Variants in LARS2 observed in about 807,000 individuals in gnomAD.
The protein encoded by LARS2 is leucine--tRNA ligase, mitochondrial.
A neutral mutation model predicts 116.6 loss-of-function variants in LARS2; 81 were observed. The ratio of observed to expected loss-of-function variants is 0.69; its 90% CI spans 0.58 to 0.84. LARS2 has a LOEUF of 0.84. Ranked by LOEUF, LARS2 falls within the 40% of genes least tolerant of loss-of-function variation. The pLI is 0.00. For synonymous variants in LARS2, 396 were observed against 407.2 expected, an observed-to-expected ratio of 0.97 and a Z score of 0.33; for missense variants, 968 against 1,114.5, an observed-to-expected ratio of 0.87 and a Z score of 1.87.
At chr3:45,427,075 T>C (rs944321003) in intron 6 of LARS2, among the ~76,000 whole-genome samples, 5 of 152,174 alleles carry the variant, frequency 3.3e-5, no homozygotes, top group African/African-American at 1.2e-4. Context: ...AAGATTAGGT[T>C]ACTCTTTAAA....
chr3:45,430,029 T>G (rs865799546), intron 6 of LARS2, among the ~76,000 whole-genome samples: 215 of 138,770 alleles, frequency 1.5e-3, no homozygotes, highest in African/African-American at 5.2e-3. Flanking sequence ...TTTTTTTTTT[T>G]GAGACAGAGT....
At chr3:45,541,708 T>C (rs1163233636) in intron 20 of LARS2, 121 bp from the exon 21 acceptor site, 1 of 1,300,334 alleles carries the variant, frequency 7.7e-7, no homozygotes, top group Non-Finnish European at 1.0e-6. Flanking sequence ...ATGGTCTGGC[T>C]TCCCACCGGC....
rs1161720401 is a variant in LARS2 at position 45,496,320 on chromosome 3, T to C, written c.1569T>C (p.Phe523=). Residue 523 remains phenylalanine (F), a synonymous_variant, in exon 14 of 22, where the codon TTT becomes TTC. Transcript: ENST00000645846. ...AKRETDTMDT[F]VDSAWYYFRY... ...GAGAGACAGACACGATGGATACCTT[T>C]GTTGATTCTGCTTGGTACTACTTCA... 7 of 1,614,072 alleles carry C rather than the reference T, an allele frequency of 4.3e-6. No individual in the cohort carries two copies. Among genetic ancestry groups the C allele is most frequent in the Non-Finnish European group, 4.2e-6 (5 of 1,180,014 alleles).
intron 6 of LARS2, among the ~76,000 whole-genome samples, chr3:45,444,889 T>C (rs190133731): frequency 1.6e-4 from 25 of 151,842 alleles, no homozygotes; most frequent in African/African-American, 5.8e-4. Flanking sequence ...AATAGAAAAA[T>C]TGAGAAAAGA....
In LARS2 at chr3:45,548,587, C is replaced by T. The variant is rs1190081314; in HGVS notation, c.*1057C>T. 3 of 152,248 alleles carry T rather than the reference C, an allele frequency of 2.0e-5. No homozygotes were observed. The highest frequency in any genetic ancestry group is 1.9e-4 in the East Asian group (1 of 5,198). 9.4% of individuals were successfully genotyped at this position (152,248 alleles called of 1,614,324 possible). A position where few individuals can be genotyped will look rare whatever the true frequency, so the allele number is the denominator to read the frequency against. On this transcript the variant is annotated 3_prime_UTR_variant, in exon 22 of 22. Coordinates refer to ENST00000645846, the MANE Select transcript of LARS2 (RefSeq NM_015340.4). ...GAAGATGGCCAGGAATGGACTCATA[C>T]CATTGGCACATTAGGCTAATCCTGG...
At chr3:45,417,087 C>CAA (rs34878832) in intron 4 of LARS2, among the ~76,000 whole-genome samples, 235 of 138,578 alleles carry the variant, frequency 1.7e-3, no homozygotes, top group Admixed American at 3.6e-3. Flanking sequence ...AAAAAAAAAA[C>CAA]AAAAAAAAAA....
At chr3:45,473,573 G>C (rs544588616) in intron 8 of LARS2, among the ~76,000 whole-genome samples, 18 of 151,774 alleles carry the variant, frequency 1.2e-4, no homozygotes, top group South Asian at 4.2e-4. Context: ...TAGTAGAGAC[G>C]GGGTTTCACC....
chr3:45,438,955 A>G (rs1414006769), intron 6 of LARS2, among the ~76,000 whole-genome samples: 1 of 152,136 alleles, frequency 6.6e-6, no homozygotes. Context: ...GATTTGTTAG[A>G]TACAAGAAGG....
intron 15 of LARS2, among the ~76,000 whole-genome samples, chr3:45,507,481 T>C (rs1342346908): frequency 6.6e-6 from 1 of 152,112 alleles, no homozygotes; most frequent in Non-Finnish European, 1.5e-5. Flanking sequence ...TGCAAACTTA[T>C]GCACCAAGAT....
chr3:45,494,488 C>G (rs984285707), intron 13 of LARS2, among the ~76,000 whole-genome samples: 1 of 152,168 alleles, frequency 6.6e-6, no homozygotes, highest in African/African-American at 2.4e-5. Context: ...CTGCCCAAAG[C>G]GCAATATTTG....
At chr3:45,459,745 T>A (rs1280093357) in intron 8 of LARS2, among the ~76,000 whole-genome samples, 1 of 152,212 alleles carries the variant, frequency 6.6e-6, no homozygotes, top group Non-Finnish European at 1.5e-5. Context: ...AGAGAAATGG[T>A]TAAAGCAAAT....
chr3:45,450,808 A>G (rs980623696), intron 7 of LARS2, among the ~76,000 whole-genome samples: 2 of 152,156 alleles, frequency 1.3e-5, no homozygotes, highest in African/African-American at 4.8e-5. Flanking sequence ...TGTTTTTCAC[A>G]CAGTGTATGA....
At chr3:45,432,450 C>T (rs1243368620) in intron 6 of LARS2, among the ~76,000 whole-genome samples, 4 of 152,054 alleles carry the variant, frequency 2.6e-5, no homozygotes, top group African/African-American at 9.7e-5. Flanking sequence ...AGCATCTTCT[C>T]AGACCACAAT....
At chr3:45,485,076 C>T (rs546557341) in intron 10 of LARS2, among the ~76,000 whole-genome samples, 3 of 152,228 alleles carry the variant, frequency 2.0e-5, no homozygotes, top group East Asian at 3.9e-4. Flanking sequence ...TAGAACTTCC[C>T]TCTGTCTTTG....
chr3:45,545,415 AGTGAT>A (rs1302204921), intron 21 of LARS2, among the ~76,000 whole-genome samples: 1 of 152,200 alleles, frequency 6.6e-6, no homozygotes, highest in African/African-American at 2.4e-5. Context: ...CTCTTTTTGA[AGTGAT>A]GTCAATGTGC....
chr3:45,508,636 G>A (rs2125746929), intron 15 of LARS2, among the ~76,000 whole-genome samples: 1 of 152,144 alleles, frequency 6.6e-6, no homozygotes, highest in South Asian at 2.1e-4. Context: ...GGAGTGGGCA[G>A]CAGGCTCTCT....
chr3:45,528,830 A>G (rs74879658), intron 20 of LARS2, among the ~76,000 whole-genome samples: 3,047 of 151,218 alleles, frequency 0.02, 85 homozygotes, highest in African/African-American at 0.067. Context: ...TAAATATTCC[A>G]TGAACATATA....
chr3:45,444,467 T>C (rs1408638855), intron 6 of LARS2, among the ~76,000 whole-genome samples: 1 of 39,450 alleles, frequency 2.5e-5, no homozygotes, highest in Non-Finnish European at 4.8e-5. Context: ...ATCGAGACCA[T>C]CCCGGCTAAA....
chr3:45,399,083 C>G (rs1330902474), intron 3 of LARS2, among the ~76,000 whole-genome samples: 1 of 152,216 alleles, frequency 6.6e-6, no homozygotes, highest in Non-Finnish European at 1.5e-5. Flanking sequence ...GAAGCTGCTT[C>G]TTTGGAAGCT....
Sources: gnomAD v4.1 joint callset for allele counts (sites outside exome capture counted in the v4.1 genomes callset) on GRCh38, gnomAD v4.1.1 for gene constraint, MANE v1.5 for transcripts, NCBI Gene and HGNC (gene_info 2026-07-23, HGNC 2026-07-21) for gene names.